HIVEP3: variants seen among roughly 807,000 people sequenced by gnomAD.
The protein encoded by HIVEP3 is transcription factor HIVEP3.
HIVEP3 carries 49 observed loss-of-function variants against 152.8 expected under a neutral mutation model. That is an observed-to-expected ratio of 0.32 (90% confidence interval 0.26 to 0.41). HIVEP3 has a LOEUF of 0.41. Among genes scored for constraint, HIVEP3 ranks in the 10% least tolerant of loss-of-function variants. The pLI is 1.00. For synonymous variants in HIVEP3, 1,269 were observed against 1,289.0 expected (o/e 0.98, Z 0.33); for missense variants, 2,790 against 3,103.3 (o/e 0.90, Z 2.40).
chr1:41,529,071 ACT>A (rs1192031073), intron 5 of HIVEP3, among the ~76,000 whole-genome samples: 2 of 84,614 alleles, frequency 2.4e-5, no homozygotes, highest in Admixed American at 1.2e-4. Flanking sequence ...TCACCCTCAC[ACT>A]CACACACATC....
At chr1:41,995,707 G>T (rs1360205896) in intron 1 of HIVEP3, among the ~76,000 whole-genome samples, 2 of 152,196 alleles carry the variant, frequency 1.3e-5, no homozygotes, top group Non-Finnish European at 2.9e-5. Context: ...GAGGTAAGTG[G>T]AGTTAATGTG....
At chr1:41,593,637 G>T (rs1395028573) in intron 3 of HIVEP3, among the ~76,000 whole-genome samples, 1 of 152,256 alleles carries the variant, frequency 6.6e-6, no homozygotes, top group Non-Finnish European at 1.5e-5. Context: ...TGGCGGGTGA[G>T]CACTATTTCC....
At chr1:41,517,318 C>T (rs139658416) in intron 7 of HIVEP3, among the ~76,000 whole-genome samples, 257 of 152,282 alleles carry the variant, frequency 1.7e-3, no homozygotes, top group Middle Eastern at 3.4e-3. Flanking sequence ...AAGTTTCTGC[C>T]ACCTGTTTTG....
chr1:41,716,868 C>T (rs568153604), intron 1 of HIVEP3, among the ~76,000 whole-genome samples: 3 of 152,336 alleles, frequency 2.0e-5, no homozygotes, highest in African/African-American at 7.2e-5. Context: ...CTGCCTTCCT[C>T]CTCTCTGTCA....
At chr1:41,696,126 G>C (rs1646270228) in intron 2 of HIVEP3, among the ~76,000 whole-genome samples, 1 of 152,242 alleles carries the variant, frequency 6.6e-6, no homozygotes, top group African/African-American at 2.4e-5. Context: ...CTTGACAAAT[G>C]TGAGGCATGA....
At chr1:41,764,042 T>G (rs1570484565) in intron 1 of HIVEP3, among the ~76,000 whole-genome samples, 1 of 150,332 alleles carries the variant, frequency 6.7e-6, no homozygotes, top group African/African-American at 2.4e-5. Context: ...ACAGGACAGA[T>G]GCGGGGCCCA....
At chr1:41,654,340 A>G (rs10890160) in intron 2 of HIVEP3, among the ~76,000 whole-genome samples, 89,903 of 151,696 alleles carry the variant, frequency 0.59, 27,223 homozygotes, top group East Asian at 0.98. Flanking sequence ...CAGGCAACTC[A>G]GGATAGTTGC....
intron 1 of HIVEP3, among the ~76,000 whole-genome samples, chr1:41,978,628 G>A (rs141529680): frequency 4.6e-4 from 70 of 152,252 alleles, no homozygotes; most frequent in African/African-American, 1.6e-3. Context: ...TTACAGCATC[G>A]CTAGCAAATG....
intron 2 of HIVEP3, among the ~76,000 whole-genome samples, chr1:41,638,834 A>G (rs1645327775): frequency 6.6e-6 from 1 of 152,258 alleles, no homozygotes; most frequent in South Asian, 2.1e-4. Flanking sequence ...GCATCACTGC[A>G]GCTGACAAAG....
In HIVEP3 at chr1:41,533,657, G is replaced by A. The variant is rs1643325045; in HGVS notation, c.5208-8747C>T. Among the ~76,000 whole-genome samples, 1 of 151,752 alleles carries A rather than the reference G, an allele frequency of 6.6e-6. No homozygotes were observed. The highest frequency in any genetic ancestry group is 2.1e-4 in the South Asian group (1 of 4,816). Reference sequence around the variant, plus strand: ...TTCTGGAGGCACCTCATTCCCTCCTGCTTGTGTCTCCTTTGCAAGCTCCTT... The same window carrying A: ...TTCTGGAGGCACCTCATTCCCTCCTACTTGTGTCTCCTTTGCAAGCTCCTT... On this transcript the variant is annotated intron_variant, in intron 5 of 8. Coordinates refer to ENST00000372583, the MANE Select transcript of HIVEP3 (RefSeq NM_024503.5). This position sits in a 1 kb window ranked among gnomAD's most constrained non-coding sequence, Gnocchi z 4.3.
chr1:41,853,006 C>A (rs531299), intron 1 of HIVEP3, among the ~76,000 whole-genome samples: 38,330 of 152,108 alleles, frequency 0.25, 6,072 homozygotes, highest in African/African-American at 0.45. Flanking sequence ...CACGTCCCCA[C>A]CACGAATGGC....
chr1:41,888,298 C>T (rs932232938), intron 1 of HIVEP3, among the ~76,000 whole-genome samples: 1 of 149,116 alleles, frequency 6.7e-6, no homozygotes, highest in African/African-American at 2.5e-5. Context: ...GTAATCTGCC[C>T]ACCTTGGCCT....
chr1:41,542,162 C>T (rs1643545510), intron 5 of HIVEP3: 1 of 152,280 alleles, frequency 6.6e-6, no homozygotes, highest in Non-Finnish European at 1.5e-5. Flanking sequence ...GTCTCCCTCA[C>T]CCACCTCAAA....
chr1:41,859,648 T>C (rs1643863105), intron 1 of HIVEP3, among the ~76,000 whole-genome samples: 1 of 152,200 alleles, frequency 6.6e-6, no homozygotes, highest in Admixed American at 6.5e-5. Context: ...TATTGCCAAA[T>C]AGTCTTTAAG....
chr1:41,528,656 C>A (rs1444208288), intron 5 of HIVEP3, among the ~76,000 whole-genome samples: 1 of 121,054 alleles, frequency 8.3e-6, no homozygotes, highest in Non-Finnish European at 1.7e-5. Flanking sequence ...ACTCCACACC[C>A]CCATCCTCAC....
At chr1:41,900,750 A>G (rs755497100) in intron 1 of HIVEP3, among the ~76,000 whole-genome samples, 2 of 152,114 alleles carry the variant, frequency 1.3e-5, no homozygotes, top group Non-Finnish European at 2.9e-5. Flanking sequence ...CCCAGGAAAA[A>G]GGAAATGTGT....
chr1:41,627,158 G>A (rs1645129160), intron 3 of HIVEP3, among the ~76,000 whole-genome samples: 1 of 152,238 alleles, frequency 6.6e-6, no homozygotes, highest in African/African-American at 2.4e-5. Context: ...GAGCAGGGTG[G>A]TGGCCCAACT....
chr1:41,932,265 A>G (rs1644999880), intron 1 of HIVEP3, among the ~76,000 whole-genome samples: 1 of 151,750 alleles, frequency 6.6e-6, no homozygotes, highest in Admixed American at 6.6e-5. Context: ...TGATTTTTCC[A>G]GTGTTGAACT....
Position 41,561,404 on chromosome 1 carries a change from T to C in HIVEP3, c.5207+14140A>G, listed in dbSNP as rs376411355. ...CTGCAGAAGACCTCATTTCAAACAA[T>C]GCCCGAAGATGGAAAAGGTAAAATG... On this transcript the variant is annotated intron_variant, in intron 5 of 8. Transcript: ENST00000372583. Among the ~76,000 whole-genome samples, 12 of 152,088 alleles carry C rather than the reference T, an allele frequency of 7.9e-5. No individual in the cohort carries two copies. In the East Asian group the frequency reaches 1.9e-3, roughly 24 times the overall value.
Sources: gnomAD v4.1 joint callset for allele counts (sites outside exome capture counted in the v4.1 genomes callset) on GRCh38, gnomAD v4.1.1 for gene constraint, Gnocchi (gnomAD v3.1) non-coding constraint, MANE v1.5 for transcripts, NCBI Gene and HGNC (gene_info 2026-07-23, HGNC 2026-07-21) for gene names.